The following GPC5 variants were observed in gnomAD, a reference collection of about 807,000 sequenced individuals.
GPC5 encodes the protein glypican-5.
A neutral mutation model predicts 53.9 loss-of-function variants in GPC5; 47 were observed. The observed-to-expected ratio is 0.87, with a 90% confidence interval of 0.69 to 1.11. GPC5 has a LOEUF of 1.11. GPC5 is among the 50% of genes most tolerant of loss of function. GPC5 has a pLI of 0.00. For synonymous variants in GPC5, 286 were observed against 263.3 expected (o/e 1.09, Z -0.84); for missense variants, 748 against 713.1 (o/e 1.05, Z -0.56).
At chr13:92,342,059 CCT>C (rs2043371344) in intron 7 of GPC5, among the ~76,000 whole-genome samples, 1 of 152,038 alleles carries the variant, frequency 6.6e-6, no homozygotes, top group Admixed American at 6.6e-5. Context: ...TTCTCAATTC[CCT>C]GATACCTTCA....
chr13:92,182,486 G>T (rs1445966877), intron 7 of GPC5, among the ~76,000 whole-genome samples: 3 of 152,146 alleles, frequency 2.0e-5, no homozygotes, highest in Non-Finnish European at 4.4e-5. Context: ...CATCTGATGG[G>T]TATAATGAGT....
chr13:92,766,713 C>T (rs1290912904), intron 7 of GPC5, among the ~76,000 whole-genome samples: 2 of 152,134 alleles, frequency 1.3e-5, no homozygotes, highest in African/African-American at 4.8e-5. Flanking sequence ...AATCAGTTTC[C>T]ATCTTAAGTC....
intron 7 of GPC5, among the ~76,000 whole-genome samples, chr13:92,800,910 A>T (rs1352600173): frequency 6.6e-6 from 1 of 151,754 alleles, no homozygotes; most frequent in Admixed American, 6.6e-5. Context: ...TTAAATGATG[A>T]CCTTCTTGCT....
chr13:92,070,530 G>T (rs1351627043), intron 6 of GPC5, among the ~76,000 whole-genome samples: 1 of 152,114 alleles, frequency 6.6e-6, no homozygotes, highest in African/African-American at 2.4e-5. Context: ...TTTAAAATTA[G>T]ATTTCTAGAT....
chr13:92,437,473 A>G (rs1212005179), intron 7 of GPC5, among the ~76,000 whole-genome samples: 1 of 152,160 alleles, frequency 6.6e-6, no homozygotes, highest in Non-Finnish European at 1.5e-5. Context: ...TAAATAATAT[A>G]CACATTATAC....
At position 92,159,855 on chromosome 13, in the gene GPC5, G is replaced by T. The variant is rs1052748967; in HGVS notation, c.1561+14866G>T. 2.0e-5 allele frequency among the ~76,000 whole-genome samples: 3 copies of T among 151,414 alleles called. No individual in the cohort carries two copies. The East Asian group carries it at 5.9e-4, about 30-fold the overall frequency. On this transcript the variant is annotated intron_variant, in intron 7 of 7. Transcript: ENST00000377067. Reference sequence around the variant, plus strand: ...CTGACCTCGTGATCTGCCCACCTAGGCCTCCCAAAGTGCTGGGATTACAGG... The same window carrying T: ...CTGACCTCGTGATCTGCCCACCTAGTCCTCCCAAAGTGCTGGGATTACAGG...
At chr13:92,478,784 C>G (rs553466743) in intron 7 of GPC5, among the ~76,000 whole-genome samples, 2 of 152,134 alleles carry the variant, frequency 1.3e-5, no homozygotes, top group Non-Finnish European at 2.9e-5. Context: ...ATCTATCCAG[C>G]GGCACTTTGT....
intron 7 of GPC5, among the ~76,000 whole-genome samples, chr13:92,612,776 C>T (rs1347582091): frequency 1.3e-5 from 2 of 152,004 alleles, no homozygotes; most frequent in Non-Finnish European, 2.9e-5. Context: ...ATGACAGGAA[C>T]AGGGTTATAT....
chr13:91,809,565 A>G (rs1204812931), intron 5 of GPC5, among the ~76,000 whole-genome samples: 1 of 152,126 alleles, frequency 6.6e-6, no homozygotes, highest in African/African-American at 2.4e-5. Context: ...GTCAGCTCAG[A>G]TGAATTTCTC....
intron 7 of GPC5, among the ~76,000 whole-genome samples, chr13:92,333,342 C>G (rs1357788625): frequency 6.6e-6 from 1 of 152,150 alleles, no homozygotes; most frequent in Non-Finnish European, 1.5e-5. Context: ...AGAAGAAACT[C>G]TTTAACCAGA....
intron 6 of GPC5, chr13:92,059,909 C>G (rs1245175847): frequency 6.6e-6 from 1 of 151,674 alleles, no homozygotes; most frequent in Non-Finnish European, 1.5e-5. Context: ...ACTGCTAATG[C>G]CTACGTAACA....
chr13:92,715,410 AT>A (rs1190062111), intron 7 of GPC5, among the ~76,000 whole-genome samples: 3 of 152,236 alleles, frequency 2.0e-5, no homozygotes, highest in African/African-American at 7.2e-5. Context: ...TGAGCTCTAA[AT>A]TCAAGAAATA....
At chr13:91,800,263 T>A (rs1289177617) in intron 5 of GPC5, among the ~76,000 whole-genome samples, 1 of 152,114 alleles carries the variant, frequency 6.6e-6, no homozygotes, top group Non-Finnish European at 1.5e-5. Flanking sequence ...TATTTGTAAA[T>A]TTATGTACCT....
At chr13:92,117,769 G>A (rs143293177) in intron 6 of GPC5, among the ~76,000 whole-genome samples, 81 of 152,070 alleles carry the variant, frequency 5.3e-4, no homozygotes, top group East Asian at 4.2e-3. Flanking sequence ...ATTTCTAAAC[G>A]TTCTTTGGTA....
intron 6 of GPC5, among the ~76,000 whole-genome samples, chr13:92,097,384 T>C (rs1234265113): frequency 4.6e-5 from 7 of 152,190 alleles, no homozygotes; most frequent in African/African-American, 1.7e-4. Context: ...TCATCTATAT[T>C]GCAAAAGACA....
rs533250802 is a variant in GPC5 at position 92,857,669 on chromosome 13, G to C, written c.1562-8613G>C. ...AAAAAGTGGGCAAAGTACATGAAGA[G>C]ACACTTCTCAAAAGAAAACACAGAA... On this transcript the variant is annotated intron_variant, in intron 7 of 7. Coordinates refer to ENST00000377067, the MANE Select transcript of GPC5 (RefSeq NM_004466.6). Among the ~76,000 whole-genome samples, 10 of 152,110 alleles carry C rather than the reference G, an allele frequency of 6.6e-5. No homozygotes were observed. In the East Asian group the frequency reaches 1.9e-3, roughly 29 times the overall value.
intron 5 of GPC5, among the ~76,000 whole-genome samples, chr13:91,868,397 G>A (rs2039106843): frequency 6.6e-6 from 1 of 152,146 alleles, no homozygotes; most frequent in African/African-American, 2.4e-5. Flanking sequence ...GGAACTGAAA[G>A]TAATATGAGG....
intron 6 of GPC5, among the ~76,000 whole-genome samples, chr13:92,095,037 C>G (rs1362781885): frequency 6.6e-6 from 1 of 152,084 alleles, no homozygotes. Flanking sequence ...CAATCAAAGT[C>G]AAAGCTCAAA....
At chr13:92,482,750 T>A (rs1052494186) in intron 7 of GPC5, among the ~76,000 whole-genome samples, 6 of 152,122 alleles carry the variant, frequency 3.9e-5, no homozygotes, top group South Asian at 4.1e-4. Flanking sequence ...GGGTGAATAA[T>A]CAATAAAATG....
Sources: gnomAD v4.1 joint callset for allele counts (sites outside exome capture counted in the v4.1 genomes callset) on GRCh38, gnomAD v4.1.1 for gene constraint, MANE v1.5 for transcripts, NCBI Gene and HGNC (gene_info 2026-07-23, HGNC 2026-07-21) for gene names.